The following AP3B1 variants were observed in gnomAD, a reference collection of about 807,000 sequenced individuals.
The protein encoded by AP3B1 is AP-3 complex subunit beta-1.
A neutral mutation model predicts 132.5 loss-of-function variants in AP3B1; 61 were observed. The ratio of observed to expected loss-of-function variants is 0.46; its 90% CI spans 0.37 to 0.57. AP3B1 has a LOEUF of 0.57. Among genes scored for constraint, AP3B1 ranks in the 20% least tolerant of loss-of-function variants. The pLI, the probability that AP3B1 is intolerant of heterozygous loss-of-function variation, is 0.00. For missense variants in AP3B1, 1,120 were observed against 1,289.4 expected (o/e 0.87, Z 2.01); for synonymous variants, 388 against 438.3 (o/e 0.89, Z 1.43).
At chr5:78,165,736 G>A in intron 11 of AP3B1, 64 bp from the exon 12 acceptor site, 2 of 1,084,452 alleles carry the variant, frequency 1.8e-6, no homozygotes, top group Non-Finnish European at 2.8e-6. Context: ...ATTTAATAGA[G>A]TACAGACATT....
chr5:78,223,003 G>GT (rs1472857752), intron 6 of AP3B1, among the ~76,000 whole-genome samples: 1 of 129,828 alleles, frequency 7.7e-6, no homozygotes. Context: ...CCTGTTTCTT[G>GT]TTTTTTTGTT....
chr5:78,186,498 A>G (rs758384649), intron 7 of AP3B1, among the ~76,000 whole-genome samples: 10 of 152,188 alleles, frequency 6.6e-5, no homozygotes, highest in Non-Finnish European at 1.3e-4. Flanking sequence ...ATTCCCTGTG[A>G]TGGAAATGTT....
intron 26 of AP3B1, among the ~76,000 whole-genome samples, chr5:78,013,995 C>G (rs1202118633): frequency 6.6e-6 from 1 of 152,144 alleles, no homozygotes; most frequent in Non-Finnish European, 1.5e-5. Context: ...AACCCCGTCT[C>G]TACTAAAAAT....
At chr5:78,089,093 A>C (rs1750399592) in intron 22 of AP3B1, 1 of 208,336 alleles carries the variant, frequency 4.8e-6, no homozygotes, top group Admixed American at 5.4e-5. Context: ...TTTGTGGCAC[A>C]GTTCAGGTAT....
intron 22 of AP3B1, among the ~76,000 whole-genome samples, chr5:78,054,712 G>A (rs1748734003): frequency 1.3e-5 from 2 of 152,320 alleles, no homozygotes; most frequent in South Asian, 4.1e-4. Context: ...TTGCATTTAA[G>A]TGAATTGTGA....
intron 1 of AP3B1, among the ~76,000 whole-genome samples, chr5:78,271,448 TA>T (rs772705613): frequency 5.9e-5 from 9 of 152,092 alleles, no homozygotes; most frequent in Non-Finnish European, 7.4e-5. Flanking sequence ...ACAAACTTTC[TA>T]AAAGTCAGAA....
In AP3B1 at chr5:78,079,214, A is replaced by AT. The variant is rs555911979; in HGVS notation, c.2577+10178dup. The stretch of plus-strand genomic sequence containing the variant: ...AACTACATGGCTAACATAAGTTAAC[A>AT]TTTTTTTTTGAAATAAAATCTAAAG... On this transcript the variant is annotated intron_variant, in intron 22 of 26. Transcript: ENST00000255194. 4.9e-4 allele frequency among the ~76,000 whole-genome samples: 74 copies of AT among 151,556 alleles called. 1 individual carries two copies. Among genetic ancestry groups the AT allele is most frequent in the African/African-American group, 1.6e-3 (68 of 41,362 alleles).
intron 15 of AP3B1, among the ~76,000 whole-genome samples, chr5:78,131,472 C>T (rs965240887): frequency 1.3e-5 from 2 of 152,010 alleles, no homozygotes; most frequent in African/African-American, 2.4e-5. Context: ...ATGTTAAAAA[C>T]TGTCAATATT....
At chr5:78,250,548 CAG>C (rs1214969632) in intron 2 of AP3B1, among the ~76,000 whole-genome samples, 2 of 151,984 alleles carry the variant, frequency 1.3e-5, no homozygotes, top group Non-Finnish European at 2.9e-5. Context: ...CAATTTCAAA[CAG>C]AAATTCTGGA....
rs562320089 is a variant in AP3B1, at chr5:78,096,146, G to A, written c.2470+4807C>T. The stretch of plus-strand genomic sequence containing the variant: ...CTGCCTCAGCCTGCCGAGTGCCTGC[G>A]ATGGCAGGCGCGCGCCGCCATGCCT... On this transcript the variant is annotated intron_variant, in intron 21 of 26. Transcript: ENST00000255194. Among the ~76,000 whole-genome samples, 9 of 152,302 alleles carry A rather than the reference G, an allele frequency of 5.9e-5. No homozygotes were observed. In the South Asian group the frequency reaches 1.7e-3, roughly 28 times the overall value.
intron 8 of AP3B1, among the ~76,000 whole-genome samples, chr5:78,180,484 A>G (rs779311756): frequency 2.0e-5 from 3 of 152,052 alleles, no homozygotes; most frequent in Non-Finnish European, 4.4e-5. Flanking sequence ...AACAAAATAA[A>G]AAGAAGCAGC....
intron 12 of AP3B1, 142 bp from the exon 13 acceptor site, chr5:78,163,093 T>G (rs1743456161): frequency 1.3e-6 from 1 of 781,662 alleles, no homozygotes; most frequent in East Asian, 2.6e-5. Flanking sequence ...CAAGTGATGA[T>G]GTAGATTAAT....
At chr5:78,192,061 C>A (rs533388466) in intron 7 of AP3B1, among the ~76,000 whole-genome samples, 1 of 151,568 alleles carries the variant, frequency 6.6e-6, no homozygotes, top group East Asian at 2.0e-4. Context: ...GGTTTCTCCA[C>A]GTTGGTCAGG....
At position 78,222,967 on chromosome 5, in the gene AP3B1, T is replaced by C. The variant is rs1746244601; in HGVS notation, c.603+2575A>G. Among the ~76,000 whole-genome samples the C allele has an allele frequency of 5.3e-5, 8 of 151,896 alleles. No homozygotes were observed. The South Asian group carries it at 1.7e-3, about 31-fold the overall frequency. ...TCTGCATTCTGAGACTCAGCAAAAA[T>C]GTAAACAGATTGTGGAAATAGGAGC... On this transcript the variant is annotated intron_variant, in intron 6 of 26. Transcript: ENST00000255194.
intron 13 of AP3B1, among the ~76,000 whole-genome samples, chr5:78,160,465 T>C (rs774219217): frequency 2.0e-5 from 3 of 152,258 alleles, no homozygotes; most frequent in Non-Finnish European, 2.9e-5. Context: ...TAATAGGCTG[T>C]TTTAGGGCAA....
At chr5:78,293,025 C>G (rs928296665) in intron 1 of AP3B1, among the ~76,000 whole-genome samples, 9 of 151,948 alleles carry the variant, frequency 5.9e-5, no homozygotes, top group Non-Finnish European at 1.3e-4. Context: ...ATTACAGGCA[C>G]GAGCCACCAC....
intron 22 of AP3B1, among the ~76,000 whole-genome samples, chr5:78,071,013 A>G (rs1462122158): frequency 6.6e-6 from 1 of 152,240 alleles, no homozygotes; most frequent in Non-Finnish European, 1.5e-5. Flanking sequence ...TTCCTCAAAG[A>G]TCTAGAGGCA....
intron 2 of AP3B1, among the ~76,000 whole-genome samples, chr5:78,248,430 T>C (rs1325351092): frequency 6.6e-5 from 9 of 137,186 alleles, no homozygotes; most frequent in African/African-American, 2.5e-4. Context: ...GAGGCAGAGG[T>C]TGCAGTGAGC....
chr5:78,196,881 A>G (rs150046566), intron 7 of AP3B1, among the ~76,000 whole-genome samples: 1 of 152,338 alleles, frequency 6.6e-6, no homozygotes, highest in East Asian at 1.9e-4. Flanking sequence ...GGAGGGATGA[A>G]CAAGTAGAGC....
Sources: allele counts gnomAD v4.1 joint callset (sites outside exome capture counted in the v4.1 genomes callset), GRCh38; gene constraint gnomAD v4.1.1; transcripts MANE v1.5; gene names NCBI Gene and HGNC (gene_info 2026-07-23, HGNC 2026-07-21).